RASA3: variants seen among roughly 807,000 people sequenced by gnomAD.
RASA3 encodes the protein RAS p21 protein activator 3, also known as ras GTPase-activating protein 3.
RASA3 carries 73 observed loss-of-function variants against 110.0 expected under a neutral mutation model. The observed-to-expected ratio is 0.66, with a 90% CI of 0.55 to 0.81. The LOEUF is 0.81. Among genes scored for constraint, RASA3 ranks in the 30% least tolerant of loss-of-function variants. The pLI is 0.00. For missense variants in RASA3, 976 were observed against 1,113.2 expected (o/e 0.88, Z 1.75); for synonymous variants, 500 against 451.4 (o/e 1.11, Z -1.37).
intron 2 of RASA3, among the ~76,000 whole-genome samples, chr13:114,054,096 A>G (rs1459748721): frequency 6.6e-6 from 1 of 152,358 alleles, no homozygotes; most frequent in African/African-American, 2.4e-5. Context: ...ACTGCACTCC[A>G]GCCTGGGTGA....
chr13:114,038,816 C>G (rs189861947), intron 4 of RASA3, among the ~76,000 whole-genome samples: 85 of 152,326 alleles, frequency 5.6e-4, no homozygotes, highest in African/African-American at 2.0e-3. Flanking sequence ...ACCAGGCCAT[C>G]CAGTCCCCCA....
chr13:114,040,392 G>C (rs1351350195), intron 4 of RASA3, among the ~76,000 whole-genome samples: 1 of 8,768 alleles, frequency 1.1e-4, no homozygotes, highest in Non-Finnish European at 2.3e-4. Flanking sequence ...GGGCGAACAC[G>C]CACAACCCAA....
rs2053792040 is a variant in RASA3, at chr13:114,016,352, G to A, written c.1207-81C>T. The A allele has an allele frequency of 2.8e-6, 3 of 1,069,558 alleles. No individual in the cohort carries two copies. The African/African-American group carries it at 4.7e-5, about 17-fold the overall frequency. 66.3% of individuals were successfully genotyped at this position (1,069,558 alleles called of 1,614,324 possible). A position where few individuals can be genotyped will look rare whatever the true frequency, so the allele number is the denominator to read the frequency against. On this transcript the variant is annotated intron_variant, in intron 12 of 23. Transcript: ENST00000334062. ...GAGGGTGGAAGGGGTCTCAGGCCTG[G>A]CTGAGATGTAGACCCTGAGCCTCAT... is the stretch of plus-strand genomic sequence containing the variant.
At chr13:114,083,355 G>A (rs114890341) in intron 1 of RASA3, among the ~76,000 whole-genome samples, 1,836 of 152,330 alleles carry the variant, frequency 0.012, 27 homozygotes, top group African/African-American at 0.043. Context: ...TTTCTGTGGT[G>A]TGAACATTCC....
Position 114,102,729 on chromosome 13 carries a change from C to T in RASA3, c.56-28892G>A, listed in dbSNP as rs1382763716. ...CACTGCCTGTCCTGCCTCACCTACC[C>T]CCAGGGCGACGCTCCCGACTAAACC... On this transcript the variant is annotated intron_variant, in intron 1 of 23. Transcript: ENST00000334062. Among the ~76,000 whole-genome samples, 12 of 152,302 alleles carry T rather than the reference C, an allele frequency of 7.9e-5. No homozygotes were observed. The East Asian group carries it at 2.3e-3, about 29-fold the overall frequency.
At chr13:114,012,189 C>A (rs1020919994) in intron 15 of RASA3, among the ~76,000 whole-genome samples, 1 of 152,034 alleles carries the variant, frequency 6.6e-6, no homozygotes, top group Admixed American at 6.6e-5. Context: ...GCAGCTAAAA[C>A]CCTGGACAAA....
chr13:114,034,738 T>C (rs997145517), intron 4 of RASA3, among the ~76,000 whole-genome samples: 1 of 152,144 alleles, frequency 6.6e-6, no homozygotes, highest in African/African-American at 2.4e-5. Flanking sequence ...AACACACAGA[T>C]CAGAGAACGC....
At position 113,979,253 on chromosome 13, in the gene RASA3, T is replaced by C. The variant is rs2052848720; in HGVS notation, c.*94A>G. The C allele has an allele frequency of 1.6e-6, 2 of 1,257,754 alleles. No individual in the cohort carries two copies. Among genetic ancestry groups the C allele is most frequent in the East Asian group, 2.3e-5 (1 of 43,060 alleles). 77.9% of individuals were successfully genotyped at this position (1,257,754 alleles called of 1,614,324 possible). Reference sequence around the variant, plus strand: ...GGCCGGGACGGCGTGCATCTCACTTTGCCGGCTCTGCGCTCTTCCTTCTCT... The same window carrying C: ...GGCCGGGACGGCGTGCATCTCACTTCGCCGGCTCTGCGCTCTTCCTTCTCT... On this transcript the variant is annotated 3_prime_UTR_variant, in exon 24 of 24. Coordinates refer to ENST00000334062, the MANE Select transcript of RASA3 (RefSeq NM_007368.4).
chr13:114,104,508 T>C (rs1344629705), intron 1 of RASA3, among the ~76,000 whole-genome samples: 1 of 152,080 alleles, frequency 6.6e-6, no homozygotes. Flanking sequence ...TGCCTGACCC[T>C]GTCATCAGGG....
intron 1 of RASA3, among the ~76,000 whole-genome samples, chr13:114,103,324 G>C (rs945596113): frequency 6.6e-6 from 1 of 152,100 alleles, no homozygotes; most frequent in Non-Finnish European, 1.5e-5. Context: ...GGGGTGTCTG[G>C]GAAGAGCCTG....
rs376429664 is a variant in RASA3, at chr13:114,019,889, T to C, written c.786-970A>G. On this transcript the variant is annotated intron_variant, in intron 9 of 23. Coordinates refer to ENST00000334062, the MANE Select transcript of RASA3 (RefSeq NM_007368.4). ...GCCCCCCTCAGGTGGGTGGAGCCTG[T>C]GTCCGAGGCATTAGCAGCCCTGTCA... Among the ~76,000 whole-genome samples, 168 of 32,298 alleles carry C rather than the reference T, an allele frequency of 5.2e-3. 6 individuals carry two copies. The highest frequency in any genetic ancestry group is 0.013 in the African/African-American group (49 of 3,822). The allele number at this position is 32,298 out of a possible 152,430, so 21.2% of individuals were successfully genotyped here.
chr13:114,049,305 G>A (rs1168732649), intron 3 of RASA3, among the ~76,000 whole-genome samples: 1 of 152,024 alleles, frequency 6.6e-6, no homozygotes, highest in Admixed American at 6.6e-5. Context: ...CCATCATAAA[G>A]ATAAATCGTT....
rs746144002 is a variant in RASA3, at chr13:114,021,493, A to G, written c.696T>C (p.Asn232=). 6.2e-7 allele frequency: 1 copy of G among 1,613,934 alleles called. No individual in the cohort carries two copies. Among genetic ancestry groups the G allele is most frequent in the South Asian group, 1.1e-5 (1 of 91,090 alleles). The change falls in exon 9 of 24, where the codon AAT becomes AAC. Residue 232 remains asparagine (N), a synonymous_variant. Transcript: ENST00000334062. ...DKLEIRVDLW[N]ASNLKFGDEF... ...CATCTCCAAACTTCAGGTTACTGGC[A>G]TTCCAGAGGTCAACTCTGAAAAACA...
intron 2 of RASA3, among the ~76,000 whole-genome samples, chr13:114,067,132 G>T (rs1033017959): frequency 6.8e-6 from 1 of 148,022 alleles, no homozygotes; most frequent in African/African-American, 2.5e-5. Context: ...CTGAGGACGG[G>T]CCCCCCACCT....
chr13:114,079,941 A>C (rs1204150393), intron 1 of RASA3, among the ~76,000 whole-genome samples: 1 of 152,178 alleles, frequency 6.6e-6, no homozygotes, highest in Non-Finnish European at 1.5e-5. Flanking sequence ...GGCAGGGGAC[A>C]CAGCGTCTTG....
intron 1 of RASA3, among the ~76,000 whole-genome samples, chr13:114,082,930 T>C (rs1282113128): frequency 6.6e-6 from 1 of 152,366 alleles, no homozygotes; most frequent in East Asian, 1.9e-4. Flanking sequence ...TAATTGATTC[T>C]CACAGCAAAC....
At chr13:114,000,707 G>A (rs557725335) in intron 19 of RASA3, 119 bp downstream of exon 19, 76 of 777,634 alleles carry the variant, frequency 9.8e-5, no homozygotes, top group African/African-American at 8.7e-4. Context: ...CCGCGGCCCC[G>A]GGCTCTGCCC....
At chr13:114,047,547 C>T (rs79252558) in intron 3 of RASA3, among the ~76,000 whole-genome samples, 1,776 of 152,340 alleles carry the variant, frequency 0.012, 28 homozygotes, top group African/African-American at 0.041. Flanking sequence ...CTCGCTCCCA[C>T]GCATTTATCT....
intron 21 of RASA3, among the ~76,000 whole-genome samples, 163 bp downstream of exon 21, chr13:113,996,368 G>A (rs2053256816): frequency 6.6e-6 from 1 of 152,174 alleles, no homozygotes; most frequent in Non-Finnish European, 1.5e-5. Context: ...GCTCCCTCGA[G>A]GGAGGACCCC....
Sources: gnomAD v4.1 joint callset for allele counts (sites outside exome capture counted in the v4.1 genomes callset) on GRCh38, gnomAD v4.1.1 for gene constraint, MANE v1.5 for transcripts, NCBI Gene and HGNC (gene_info 2026-07-23, HGNC 2026-07-21) for gene names.